ZNF423: variants seen among roughly 807,000 people sequenced by gnomAD.
ZNF423 encodes Ebf-associated zinc finger protein.
In ZNF423, 12 loss-of-function variants were observed where a neutral mutation model predicts 95.8. The observed-to-expected ratio is 0.13, with a 90% CI of 0.08 to 0.20. ZNF423 has a LOEUF of 0.20. Among genes scored for constraint, ZNF423 ranks in the 10% least tolerant of loss-of-function variants. The pLI is 1.00. For missense variants in ZNF423, 1,316 were observed against 1,737.1 expected, an observed-to-expected ratio of 0.76 and a Z score of 4.31; for synonymous variants, 749 against 711.9, an observed-to-expected ratio of 1.05 and a Z score of -0.83.
intron 5 of ZNF423, among the ~76,000 whole-genome samples, chr16:49,616,602 T>A (rs956484615): frequency 2.6e-5 from 4 of 152,074 alleles, no homozygotes; most frequent in African/African-American, 9.7e-5. Context: ...CATAAATATA[T>A]ACACCTATTA....
chr16:49,667,470 G>A lies in ZNF423; in HGVS notation c.302-28596C>T, dbSNP rs548874896. Reference sequence around the variant, plus strand: ...AAAAGAGGAACCAACTGGGATGGAGGGAAGCCTTCAGAAAACTTCTGGCCC... The same window carrying A: ...AAAAGAGGAACCAACTGGGATGGAGAGAAGCCTTCAGAAAACTTCTGGCCC... On this transcript the variant is annotated intron_variant, in intron 3 of 7. Transcript: ENST00000563137. Among the ~76,000 whole-genome samples the A allele has an allele frequency of 9.2e-5, 14 of 152,350 alleles. 1 individual carries two copies. In the South Asian group the frequency reaches 2.5e-3, roughly 27 times the overall value.
intron 3 of ZNF423, chr16:49,664,110 G>A (rs191970486): frequency 2.0e-6 from 2 of 985,484 alleles, no homozygotes; most frequent in Admixed American, 6.1e-5. Context: ...TGCTCACCAG[G>A]GCGTCCCAGG....
At chr16:49,660,010 C>T (rs1468062434) in intron 3 of ZNF423, among the ~76,000 whole-genome samples, 1 of 152,234 alleles carries the variant, frequency 6.6e-6, no homozygotes, top group Non-Finnish European at 1.5e-5. Flanking sequence ...CTTCCTTCCT[C>T]CTCCTCCACC....
intron 2 of ZNF423, among the ~76,000 whole-genome samples, chr16:49,742,891 G>A (rs933662439): frequency 1.3e-5 from 2 of 152,130 alleles, no homozygotes; most frequent in African/African-American, 4.8e-5. Flanking sequence ...ATGGAGTTTG[G>A]CTCAGAGCCA....
At chr16:49,692,822 T>G (rs930084935) in intron 3 of ZNF423, among the ~76,000 whole-genome samples, 1 of 152,248 alleles carries the variant, frequency 6.6e-6, no homozygotes, top group African/African-American at 2.4e-5. Context: ...CTCTAGTGTT[T>G]AGATGAGAGG....
chr16:49,573,654 G>T (rs1182519569), intron 5 of ZNF423, among the ~76,000 whole-genome samples: 1 of 152,016 alleles, frequency 6.6e-6, no homozygotes, highest in East Asian at 1.9e-4. Flanking sequence ...CCTCCCAAAG[G>T]CCCCACCTCC....
intron 1 of ZNF423, among the ~76,000 whole-genome samples, chr16:49,818,142 C>T (rs1036521511): frequency 6.6e-6 from 1 of 152,086 alleles, no homozygotes; most frequent in African/African-American, 2.4e-5. Flanking sequence ...CAGTTGAAAT[C>T]TAATTCCCCT....
At chr16:49,526,062 T>C (rs1037413068) in intron 5 of ZNF423, among the ~76,000 whole-genome samples, 1 of 150,684 alleles carries the variant, frequency 6.6e-6, no homozygotes, top group Non-Finnish European at 1.5e-5. Flanking sequence ...AGGAGAGGGG[T>C]GGGGGCAGGG....
chr16:49,707,510 G>C (rs2032391782), intron 3 of ZNF423, among the ~76,000 whole-genome samples: 1 of 151,618 alleles, frequency 6.6e-6, no homozygotes, highest in Middle Eastern at 3.4e-3. Flanking sequence ...CCAGCTACTC[G>C]GGAGGCTGAG....
chr16:49,596,820 T>G (rs1472514114), intron 5 of ZNF423, among the ~76,000 whole-genome samples: 1 of 152,198 alleles, frequency 6.6e-6, no homozygotes, highest in Non-Finnish European at 1.5e-5. Flanking sequence ...GGCACAGGGC[T>G]GTGTGCTTCC....
At chr16:49,853,067 C>CT in intron 1 of ZNF423, among the ~76,000 whole-genome samples, 2 of 152,358 alleles carry the variant, frequency 1.3e-5, no homozygotes, top group East Asian at 3.9e-4. Context: ...AGTCAAGCGA[C>CT]TTTCACAGCA....
intron 7 of ZNF423, among the ~76,000 whole-genome samples, chr16:49,511,763 G>T (rs540003507): frequency 2.6e-4 from 39 of 152,292 alleles, no homozygotes; most frequent in African/African-American, 8.4e-4. Context: ...TCATGTCAAT[G>T]ACAACAGTGA....
chr16:49,790,498 G>A (rs1461173964), intron 1 of ZNF423, among the ~76,000 whole-genome samples: 1 of 152,234 alleles, frequency 6.6e-6, no homozygotes, highest in Non-Finnish European at 1.5e-5. Flanking sequence ...CAAACCCAGG[G>A]TTGTCTGTCT....
At chr16:49,580,547 G>T (rs571774973) in intron 5 of ZNF423, among the ~76,000 whole-genome samples, 1 of 152,162 alleles carries the variant, frequency 6.6e-6, no homozygotes, top group African/African-American at 2.4e-5. Context: ...TTAGCTCAAA[G>T]CAGAACTTCC....
At chr16:49,757,863 C>T (rs2033756295) in intron 2 of ZNF423, among the ~76,000 whole-genome samples, 1 of 152,124 alleles carries the variant, frequency 6.6e-6, no homozygotes, top group African/African-American at 2.4e-5. Context: ...CGCACAGGAT[C>T]TCCTTTCCCC....
intron 3 of ZNF423, among the ~76,000 whole-genome samples, chr16:49,676,164 C>T (rs1294358151): frequency 6.6e-6 from 1 of 152,226 alleles, no homozygotes; most frequent in Non-Finnish European, 1.5e-5. Context: ...ACGGGAACAG[C>T]CCACAAGTAC....
At chr16:49,759,421 T>G (rs1596976581) in intron 2 of ZNF423, among the ~76,000 whole-genome samples, 1 of 149,574 alleles carries the variant, frequency 6.7e-6, no homozygotes, top group Non-Finnish European at 1.5e-5. Flanking sequence ...AAGGAAAGCT[T>G]GCTATCCCCT....
At chr16:49,838,135 G>T (rs2035140218) in intron 1 of ZNF423, among the ~76,000 whole-genome samples, 1 of 152,232 alleles carries the variant, frequency 6.6e-6, no homozygotes, top group Non-Finnish European at 1.5e-5. Flanking sequence ...ACTCAAATCT[G>T]TGTGCCAATC....
chr16:49,757,786 C>T (rs1478774133), intron 2 of ZNF423, among the ~76,000 whole-genome samples: 1 of 152,168 alleles, frequency 6.6e-6, no homozygotes, highest in Non-Finnish European at 1.5e-5. Context: ...GGTTTCCCTG[C>T]CGTGGCAGGT....
Sources: allele counts gnomAD v4.1 joint callset (sites outside exome capture counted in the v4.1 genomes callset), GRCh38; gene constraint gnomAD v4.1.1; transcripts MANE v1.5; gene names NCBI Gene and HGNC (gene_info 2026-07-23, HGNC 2026-07-21).